ZNF609: variants seen among roughly 807,000 people sequenced by gnomAD.
The protein encoded by ZNF609 is zinc finger protein 609.
Under a neutral mutation model 109.5 loss-of-function variants are expected in ZNF609, and 11 were observed. That is an observed-to-expected ratio of 0.10 (90% CI 0.06 to 0.17). The LOEUF (loss-of-function observed/expected upper bound fraction) is 0.17, where lower values mean the gene tolerates loss of function less well. ZNF609 is among the 10% of genes least tolerant of loss of function. The probability of loss-of-function intolerance (pLI) is 1.00; values close to 1 mark genes in which losing one functional copy is unlikely to be tolerated. For synonymous variants in ZNF609, 646 were observed against 662.0 expected (o/e 0.98, Z 0.37); for missense variants, 1,559 against 1,772.4 (o/e 0.88, Z 2.16).
At chr15:64,491,718 C>G (rs927410954) in intron 1 of ZNF609, among the ~76,000 whole-genome samples, 3 of 151,872 alleles carry the variant, frequency 2.0e-5, no homozygotes, top group African/African-American at 7.3e-5. Flanking sequence ...ATGGTGGCGC[C>G]CCTCCAATCC....
At chr15:64,469,645 G>T (rs1893067205) in intron 1 of ZNF609, among the ~76,000 whole-genome samples, 1 of 151,944 alleles carries the variant, frequency 6.6e-6, no homozygotes, top group Non-Finnish European at 1.5e-5. Context: ...TTTTTGGAGG[G>T]TTTTGTAGCC....
chr15:64,615,939 C>G (rs964515126), intron 2 of ZNF609, among the ~76,000 whole-genome samples: 3 of 152,110 alleles, frequency 2.0e-5, no homozygotes, highest in Admixed American at 2.0e-4. Flanking sequence ...TTCCTTCTTG[C>G]GTTTTTGTCT....
In ZNF609 at chr15:64,460,658, C is replaced by CGGGGCGGAGAGGCGCGGGGAG. The variant is rs1892924803; in HGVS notation, c.-302_-282dup. 2.0e-5 allele frequency: 2 copies of CGGGGCGGAGAGGCGCGGGGAG among 98,736 alleles called. No individual in the cohort carries two copies. The highest frequency in any genetic ancestry group is 8.3e-5 in the African/African-American group (2 of 24,134). 6.1% of individuals were successfully genotyped at this position (98,736 alleles called of 1,614,324 possible). On this transcript the variant is annotated 5_prime_UTR_variant, in exon 1 of 10. Coordinates refer to ENST00000326648, the MANE Select transcript of ZNF609 (RefSeq NM_015042.2). ...CCCGGACACAGCGGCACCGGCCGGG[C>CGGGGCGGAGAGGCGCGGGGAG]GGGGCGGAGAGGCGCGGGGAGGGGG...
intron 3 of ZNF609, among the ~76,000 whole-genome samples, chr15:64,662,564 A>G (rs182420769): frequency 8.7e-4 from 133 of 152,310 alleles, no homozygotes; most frequent in African/African-American, 3.2e-3. Context: ...TGCTCAAGCA[A>G]TCCTCCCACC....
chr15:64,665,014 T>C (rs763754130), intron 3 of ZNF609, among the ~76,000 whole-genome samples: 2 of 152,232 alleles, frequency 1.3e-5, no homozygotes, highest in Non-Finnish European at 2.9e-5. Flanking sequence ...CTGTTCCTAT[T>C]AAATTGATTA....
At chr15:64,668,858 C>T (rs1195866076) in intron 3 of ZNF609, among the ~76,000 whole-genome samples, 3 of 142,344 alleles carry the variant, frequency 2.1e-5, no homozygotes, top group Admixed American at 1.5e-4. Flanking sequence ...GAGGCTGAGG[C>T]GGAGAATTGC....
chr15:64,540,829 A>T (rs1894240602), intron 2 of ZNF609, among the ~76,000 whole-genome samples: 1 of 147,876 alleles, frequency 6.8e-6, no homozygotes, highest in South Asian at 2.2e-4. Context: ...AGAGATCGAG[A>T]CCATTCTGGC....
chr15:64,549,000 A>C (rs1894415781), intron 2 of ZNF609, among the ~76,000 whole-genome samples: 1 of 152,112 alleles, frequency 6.6e-6, no homozygotes, highest in African/African-American at 2.4e-5. Flanking sequence ...TCACCTGAAA[A>C]CCCTGAAATT....
In ZNF609 at chr15:64,584,298, A is replaced by T. The variant is rs200064802; in HGVS notation, c.748-38529A>T. ...CATGGCGAAACCCAGTCTGTATTTT[A>T]ATTTATTTATTTATCTACTTATTTT... On this transcript the variant is annotated intron_variant, in intron 2 of 9. Coordinates refer to ENST00000326648, the MANE Select transcript of ZNF609 (RefSeq NM_015042.2). Among the ~76,000 whole-genome samples, 3 of 151,980 alleles carry T rather than the reference A, an allele frequency of 2.0e-5. No individual in the cohort carries two copies. In the East Asian group the frequency reaches 5.8e-4, roughly 29 times the overall value.
intron 2 of ZNF609, chr15:64,528,885 A>T: frequency 1.0e-6 from 1 of 1,004,328 alleles, no homozygotes; most frequent in Non-Finnish European, 1.6e-6. Flanking sequence ...TCCGATGCCT[A>T]CTTCACCACC....
At chr15:64,531,437 C>G (rs1894059489) in intron 2 of ZNF609, among the ~76,000 whole-genome samples, 1 of 152,178 alleles carries the variant, frequency 6.6e-6, no homozygotes, top group Admixed American at 6.5e-5. Flanking sequence ...CGCTCTGTCA[C>G]CCAGGCTGCA....
chr15:64,666,838 A>G (rs1004353611), intron 3 of ZNF609, among the ~76,000 whole-genome samples: 1 of 151,292 alleles, frequency 6.6e-6, no homozygotes, highest in African/African-American at 2.4e-5. Flanking sequence ...TTAAAAATCT[A>G]AGATTTGGGC....
intron 6 of ZNF609, 69 bp downstream of exon 6, chr15:64,678,551 G>T: frequency 6.6e-7 from 1 of 1,514,686 alleles, no homozygotes; most frequent in Non-Finnish European, 8.8e-7. Flanking sequence ...TTCACATCCA[G>T]AGTTTTCTTG....
At chr15:64,538,198 T>A (rs559480316) in intron 2 of ZNF609, among the ~76,000 whole-genome samples, 5 of 152,232 alleles carry the variant, frequency 3.3e-5, no homozygotes, top group African/African-American at 9.6e-5. Flanking sequence ...GTGAAAAAAA[T>A]TTTTAGATGG....
chr15:64,609,068 C>CTT (rs1423992452), intron 2 of ZNF609, among the ~76,000 whole-genome samples: 9 of 23,598 alleles, frequency 3.8e-4, no homozygotes, highest in East Asian at 2.1e-3. Flanking sequence ...TTTAATTTTT[C>CTT]TTTCTTTCTT....
At chr15:64,483,313 C>T (rs1038904422) in intron 1 of ZNF609, among the ~76,000 whole-genome samples, 7 of 152,182 alleles carry the variant, frequency 4.6e-5, no homozygotes, top group Middle Eastern at 3.4e-3. Flanking sequence ...AGGCTGGTCT[C>T]GAACTCCCAG....
At chr15:64,505,493 T>A (rs553489311) in intron 2 of ZNF609, among the ~76,000 whole-genome samples, 1 of 152,362 alleles carries the variant, frequency 6.6e-6, no homozygotes, top group South Asian at 2.1e-4. Flanking sequence ...GCATTTTAGA[T>A]ACTAGGTTTT....
chr15:64,535,892 G>A (rs139902667), intron 2 of ZNF609, among the ~76,000 whole-genome samples: 4 of 151,854 alleles, frequency 2.6e-5, no homozygotes, highest in Non-Finnish European at 4.4e-5. Context: ...AGTTATTTTC[G>A]TGTGCTTGTT....
At chr15:64,563,108 A>C (rs1458827821) in intron 2 of ZNF609, among the ~76,000 whole-genome samples, 1 of 151,940 alleles carries the variant, frequency 6.6e-6, no homozygotes, top group Admixed American at 6.6e-5. Flanking sequence ...ACGCCACTGC[A>C]CTCCAGCCTG....
Sources: allele counts gnomAD v4.1 joint callset (sites outside exome capture counted in the v4.1 genomes callset), GRCh38; gene constraint gnomAD v4.1.1; transcripts MANE v1.5; gene names NCBI Gene and HGNC (gene_info 2026-07-23, HGNC 2026-07-21).